Variants in ZFYVE16 observed in about 807,000 individuals in gnomAD.
The protein encoded by ZFYVE16 is zinc finger FYVE domain-containing protein 16.
A neutral mutation model predicts 138.1 loss-of-function variants in ZFYVE16; 89 were observed. The observed-to-expected ratio is 0.64, with a 90% CI of 0.54 to 0.77. The LOEUF is 0.77. Among genes scored for constraint, ZFYVE16 ranks in the 30% least tolerant of loss-of-function variants. The pLI, the probability that ZFYVE16 is intolerant of heterozygous loss-of-function variation, is 0.00. For synonymous variants in ZFYVE16, 596 were observed against 618.3 expected (o/e 0.96, Z 0.53); for missense variants, 1,793 against 1,786.7 (o/e 1.00, Z -0.06).
Position 80,445,307 on chromosome 5 carries a change from A to G in ZFYVE16, c.2626A>G (p.Ile876Val), listed in dbSNP as rs767562545. ...EQKRVWFADGILPNGEVADTT... is the reference protein window; with the variant it reads ...EQKRVWFADGVLPNGEVADTT... ...GAAGAGAGTATGGTTTGCAGATGGT[A>G]TATTGCCCAATGGTGAAGTTGCAGA... Residue 876 changes from isoleucine (I) to valine (V), a missense_variant, in exon 7 of 19, where the codon ATA (isoleucine) becomes GTA (valine). Around this residue, in one of 2 missense-constraint regions of ZFYVE16, gnomAD observed 1,295 missense variants for 1,204.3 expected, o/e 1.08. Transcript: ENST00000505560. The G allele has an allele frequency of 1.2e-6, 2 of 1,613,916 alleles. No homozygotes were observed. Among genetic ancestry groups the G allele is most frequent in the Non-Finnish European group, 1.7e-6 (2 of 1,179,966 alleles).
chr5:80,438,274 ATGC>A lies in ZFYVE16; in HGVS notation c.1592_1594del (p.Ala531del). On this transcript the variant is annotated inframe_deletion, in exon 4 of 19. Transcript: ENST00000505560. The stretch of plus-strand genomic sequence containing the variant: ...GCAAAAAGTGGCCCACTAATTAGTG[ATGC>A]TGAACTTGATGCCTTTCTGACAGAA... 1 of 1,614,094 alleles carries A rather than the reference ATGC, an allele frequency of 6.2e-7. No individual in the cohort carries two copies. The highest frequency in any genetic ancestry group is 8.5e-7 in the Non-Finnish European group (1 of 1,179,968).
intron 2 of ZFYVE16, among the ~76,000 whole-genome samples, chr5:80,433,086 G>T (rs1424909834): frequency 1.3e-5 from 2 of 152,074 alleles, no homozygotes; most frequent in African/African-American, 4.8e-5. Flanking sequence ...CCCATTACTG[G>T]GTATATACCC....
intron 15 of ZFYVE16, among the ~76,000 whole-genome samples, chr5:80,467,418 G>A (rs976315403): frequency 2.6e-5 from 4 of 152,218 alleles, no homozygotes; most frequent in Non-Finnish European, 5.9e-5. Context: ...TGACTTGAAT[G>A]TTGAAGGCAT....
intron 15 of ZFYVE16, among the ~76,000 whole-genome samples, chr5:80,472,238 T>C (rs921052736): frequency 6.6e-6 from 1 of 151,778 alleles, no homozygotes; most frequent in African/African-American, 2.4e-5. Flanking sequence ...TCTTGAGTTC[T>C]CAGCCAATAG....
At chr5:80,457,167 A>C (rs1752609261) in intron 14 of ZFYVE16, 75 bp downstream of exon 14, 22 of 1,543,736 alleles carry the variant, frequency 1.4e-5, no homozygotes, top group Non-Finnish European at 1.9e-5. Context: ...GGGGAAATAT[A>C]TGTATATTTA....
At chr5:80,459,642 TAGA>T in intron 15 of ZFYVE16, 148 bp downstream of exon 15, 1 of 615,068 alleles carries the variant, frequency 1.6e-6, no homozygotes. Context: ...GCACAAGAAG[TAGA>T]AGACTTATCT....
chr5:80,456,431 A>G (rs1179835806), intron 12 of ZFYVE16, 30 bp from the exon 13 acceptor site: 3 of 1,484,026 alleles, frequency 2.0e-6, no homozygotes, highest in African/African-American at 1.4e-5. Context: ...CATGGTTAGT[A>G]GTTTATGGTA....
chr5:80,457,190 A>G, intron 14 of ZFYVE16, 98 bp downstream of exon 14: 1 of 1,450,016 alleles, frequency 6.9e-7, no homozygotes, highest in Non-Finnish European at 9.2e-7. Flanking sequence ...TATTTGCTGA[A>G]TTGTTGGTGA....
chr5:80,470,763 G>A (rs1473885026), intron 15 of ZFYVE16, among the ~76,000 whole-genome samples: 1 of 151,896 alleles, frequency 6.6e-6, no homozygotes, highest in Non-Finnish European at 1.5e-5. Flanking sequence ...CTCCCTCCTT[G>A]TCTTCCCTAA....
Position 80,480,432 on chromosome 5 carries a change from GA to G in ZFYVE16, c.*3064del, listed in dbSNP as rs33910155. ...CAGTGCACCATGGGAGAAACAGCTGGAAAAAAAAACAGAAGACCTGTAGAGA... is the reference window on the plus strand; with the variant it reads ...CAGTGCACCATGGGAGAAACAGCTGGAAAAAAAACAGAAGACCTGTAGAGA... On this transcript the variant is annotated 3_prime_UTR_variant, in exon 19 of 19. Transcript: ENST00000505560. Among the ~76,000 whole-genome samples, 1 of 150,474 alleles carries G rather than the reference GA, an allele frequency of 6.6e-6. No individual in the cohort carries two copies. Among genetic ancestry groups the G allele is most frequent in the African/African-American group, 2.4e-5 (1 of 40,848 alleles).
At chr5:80,411,493 T>C (rs1003047055) in intron 1 of ZFYVE16, among the ~76,000 whole-genome samples, 1 of 152,214 alleles carries the variant, frequency 6.6e-6, no homozygotes, top group Non-Finnish European at 1.5e-5. Flanking sequence ...GATTTGATTT[T>C]CTTTCATTTA....
At chr5:80,422,773 A>G (rs1180616585) in intron 1 of ZFYVE16, among the ~76,000 whole-genome samples, 1 of 152,214 alleles carries the variant, frequency 6.6e-6, no homozygotes, top group East Asian at 1.9e-4. Flanking sequence ...TTTTATTAGC[A>G]TCAATTTATG....
intron 1 of ZFYVE16, among the ~76,000 whole-genome samples, chr5:80,416,839 A>C (rs1339332317): frequency 6.6e-6 from 1 of 152,128 alleles, no homozygotes; most frequent in Non-Finnish European, 1.5e-5. Context: ...GGTGCTAAGT[A>C]TGTTCGTTGC....
At chr5:80,456,672 T>C (rs1278628860) in intron 13 of ZFYVE16, 107 bp downstream of exon 13, 1 of 946,076 alleles carries the variant, frequency 1.1e-6, no homozygotes, top group Non-Finnish European at 1.6e-6. Flanking sequence ...TAATGTATTA[T>C]GGCAACAAAC....
At chr5:80,465,099 T>A (rs1421552912) in intron 15 of ZFYVE16, among the ~76,000 whole-genome samples, 1 of 152,204 alleles carries the variant, frequency 6.6e-6, no homozygotes, top group African/African-American at 2.4e-5. Flanking sequence ...TATGTTCTTA[T>A]ATATTAACCT....
At chr5:80,429,201 G>C (rs2112292807) in intron 2 of ZFYVE16, among the ~76,000 whole-genome samples, 1 of 152,310 alleles carries the variant, frequency 6.6e-6, no homozygotes, top group South Asian at 2.1e-4. Context: ...AGGGCAGCCA[G>C]AGAGAAAGGT....
At chr5:80,457,898 C>T (rs1406872890) in intron 14 of ZFYVE16, among the ~76,000 whole-genome samples, 1 of 151,714 alleles carries the variant, frequency 6.6e-6, no homozygotes, top group African/African-American at 2.4e-5. Flanking sequence ...TGGTGGCGGG[C>T]GCCTGTAGTC....
rs371226128 is a variant in ZFYVE16, at chr5:80,450,552, A to G, written c.3348A>G (p.Arg1116=). Residue 1116 remains arginine, a synonymous_variant, in exon 10 of 19, where the codon AGA becomes AGG. Coordinates refer to ENST00000505560, the MANE Select transcript of ZFYVE16 (RefSeq NM_001284236.3). ...NEDTIPKDIF[R]LFITIYKDAL... is the part of the protein sequence containing the mutation. ...ATACTATTCCTAAGGACATCTTCAGACTATTTATCACCATATATAAGGATG... is the reference window on the plus strand; with the variant it reads ...ATACTATTCCTAAGGACATCTTCAGGCTATTTATCACCATATATAAGGATG... The G allele has an allele frequency of 2.5e-6, 4 of 1,613,456 alleles. No homozygotes were observed. In the African/African-American group the frequency reaches 5.3e-5, roughly 22 times the overall value.
At position 80,437,754 on chromosome 5, in the gene ZFYVE16, A is replaced by G. The variant is rs1486178920; in HGVS notation, c.1069A>G (p.Ile357Val). The part of the protein sequence containing the change: ...KSLDLKDNDV[I>V]QDSSSALHVS... ...TTTAGACCTTAAGGATAATGATGTA[A>G]TCCAAGATTCCTCTTCAGCTTTACA... The change falls in exon 4 of 19, where the codon ATC becomes GTC. Residue 357 changes from isoleucine to valine, a missense_variant. Physicochemically the swap from Ile to Val is conservative, Grantham distance 29 (BLOSUM62 3). Coordinates refer to ENST00000505560, the MANE Select transcript of ZFYVE16 (RefSeq NM_001284236.3). 2 of 1,614,134 alleles carry G rather than the reference A, an allele frequency of 1.2e-6. No homozygotes were observed. The highest frequency in any genetic ancestry group is 2.2e-5 in the South Asian group (2 of 91,080).
Sources: gnomAD v4.1 joint callset for allele counts (sites outside exome capture counted in the v4.1 genomes callset) on GRCh38, gnomAD v4.1.1 for gene constraint, gnomAD v4.1.1 regional missense constraint, MANE v1.5 for transcripts, NCBI Gene and HGNC (gene_info 2026-07-23, HGNC 2026-07-21) for gene names.